Variants in SMTN observed in about 807,000 individuals in gnomAD.
SMTN encodes smoothelin.
SMTN carries 58 observed loss-of-function variants against 102.0 expected under a neutral mutation model. The observed-to-expected ratio is 0.57, with a 90% confidence interval of 0.46 to 0.71. The LOEUF (loss-of-function observed/expected upper bound fraction) is 0.71, where lower values mean the gene tolerates loss of function less well. Ranked by LOEUF, SMTN falls within the 30% of genes least tolerant of loss-of-function variation. The pLI, the probability that SMTN is intolerant of heterozygous loss-of-function variation, is 0.00. For missense variants in SMTN, 1,185 were observed against 1,241.7 expected, an observed-to-expected ratio of 0.95 and a Z score of 0.69; for synonymous variants, 478 against 497.9, an observed-to-expected ratio of 0.96 and a Z score of 0.53.
At chr22:31,074,137 C>T (rs1223138919) in intron 1 of SMTN, among the ~76,000 whole-genome samples, 1 of 152,026 alleles carries the variant, frequency 6.6e-6, no homozygotes, top group Non-Finnish European at 1.5e-5. Flanking sequence ...TGTGTAATTC[C>T]AGCACTTTGG....
upstream of SMTN, among the ~76,000 whole-genome samples, chr22:31,077,812 G>A (rs925296357): frequency 7.2e-5 from 11 of 152,344 alleles, no homozygotes; most frequent in African/African-American, 2.6e-4. Flanking sequence ...AGAACACAGC[G>A]GCTGGATGAC....
In SMTN at chr22:31,104,438, A is replaced by G; in HGVS notation, c.*143A>G. 1 of 1,614,044 alleles carries G rather than the reference A, an allele frequency of 6.2e-7. No homozygotes were observed. Among genetic ancestry groups the G allele is most frequent in the Admixed American group, 1.7e-5 (1 of 60,030 alleles). ...CTCTACAACCACCTGCGACGCCACG[A>G]ACTGCGCCTGCGCGGCAAGAATGTC... On this transcript the variant is annotated 3_prime_UTR_variant, in exon 21 of 21. Coordinates refer to ENST00000333137, the MANE Select transcript of SMTN (RefSeq NM_134269.3).
intron 1 of SMTN, among the ~76,000 whole-genome samples, chr22:31,069,314 C>T (rs547465461): frequency 6.6e-6 from 1 of 152,194 alleles, no homozygotes; most frequent in East Asian, 1.9e-4. Flanking sequence ...TTCAGGCGCC[C>T]CGCTGGGGAC....
At position 31,083,248 on chromosome 22, in the gene SMTN, G is replaced by C; in HGVS notation, c.-11G>C. The C allele has an allele frequency of 1.3e-6, 2 of 1,598,442 alleles. No homozygotes were observed. The highest frequency in any genetic ancestry group is 1.3e-5 in the African/African-American group (1 of 74,976). The stretch of plus-strand genomic sequence containing the variant: ...ACCAGAAAGGAACCGACGGAGCTAG[G>C]GGCCAGCGAGATGGCGGACGAGGCC... On this transcript the variant is annotated 5_prime_UTR_variant, in exon 2 of 21. Transcript: ENST00000333137.
chr22:31,090,758 T>C, intron 8 of SMTN, 50 bp from the exon 9 acceptor site: 2 of 1,410,130 alleles, frequency 1.4e-6, no homozygotes, highest in Non-Finnish European at 2.0e-6. Context: ...CACTATCCCC[T>C]GTCTTTTCTC....
At position 31,096,746 on chromosome 22, in the gene SMTN, G is replaced by A; in HGVS notation, c.1875G>A (p.Lys625=). ...LRQRKRDQRD[K]ERERRLQEAR... is the part of the protein sequence containing the mutation. Reference sequence around the variant, plus strand: ...TCCCCTGCCCAGACCAGCGGGACAAGGAGCGGGAACGGCGGCTGCAGGAGG... The same window carrying A: ...TCCCCTGCCCAGACCAGCGGGACAAAGAGCGGGAACGGCGGCTGCAGGAGG... The change falls in exon 14 of 21, where the codon AAG becomes AAA. Residue 625 remains lysine (K), a synonymous_variant. Coordinates refer to ENST00000333137, the MANE Select transcript of SMTN (RefSeq NM_134269.3). 1 of 1,550,958 alleles carries A rather than the reference G, an allele frequency of 6.4e-7. No individual in the cohort carries two copies. Among genetic ancestry groups the A allele is most frequent in the Non-Finnish European group, 8.7e-7 (1 of 1,153,314 alleles).
intron 20 of SMTN, chr22:31,104,005 A>G: frequency 2.6e-6 from 1 of 390,426 alleles, no homozygotes; most frequent in Non-Finnish European, 4.7e-6. Flanking sequence ...CAGGGAGAAC[A>G]TGGGCAGGGT....
In SMTN at chr22:31,096,898, G is replaced by A. The variant is rs111594703; in HGVS notation, c.2026+1G>A. 1.3e-6 allele frequency: 2 copies of A among 1,599,484 alleles called. No homozygotes were observed. Among genetic ancestry groups the A allele is most frequent in the Non-Finnish European group, 1.7e-6 (2 of 1,171,518 alleles). ...AAGACTGAGCGGCTCGTCCACTCCA[G>A]TAAGGGGCCAAATGGGGCCGGCCCA... On this transcript the variant is annotated splice_donor_variant, in intron 14 of 20. Coordinates refer to ENST00000333137, the MANE Select transcript of SMTN (RefSeq NM_134269.3). LOFTEE classifies it high-confidence loss of function.
chr22:31,087,943 C>A, intron 2 of SMTN, 22 bp from the exon 3 acceptor site: 1 of 1,558,302 alleles, frequency 6.4e-7, no homozygotes, highest in Non-Finnish European at 8.7e-7. Flanking sequence ...CCAAAATGAC[C>A]TGCCTCTCGC....
chr22:31,080,428 T>C (rs1256498958), upstream of SMTN: 1 of 152,160 alleles, frequency 6.6e-6, no homozygotes, highest in Non-Finnish European at 1.5e-5. Context: ...ATAAATGATT[T>C]GTTATTGTTT....
chr22:31,104,366 T>C lies in SMTN; in HGVS notation c.*71T>C, dbSNP rs2044331298. On this transcript the variant is annotated 3_prime_UTR_variant, in exon 21 of 21. Coordinates refer to ENST00000333137, the MANE Select transcript of SMTN (RefSeq NM_134269.3). ...GTGGAGGTGGACGACATGATGATCA[T>C]GGGCAAGAAGCCTGACCCCAAGTGT... 1 of 1,614,148 alleles carries C rather than the reference T, an allele frequency of 6.2e-7. No individual in the cohort carries two copies.
At chr22:31,065,613 G>A (rs2041828178) in intron 1 of SMTN, 1 of 151,604 alleles carries the variant, frequency 6.6e-6, no homozygotes, top group African/African-American at 2.4e-5. Context: ...GCCTCCCAAA[G>A]TGTTGGGATT....
chr22:31,094,341 A>G (rs2043392884), intron 11 of SMTN, among the ~76,000 whole-genome samples: 1 of 151,986 alleles, frequency 6.6e-6, no homozygotes, highest in African/African-American at 2.4e-5. Flanking sequence ...TACAGAGGAG[A>G]GCTTCATAGA....
chr22:31,098,891 TG>T (rs781642256), intron 17 of SMTN, 51 bp downstream of exon 17: 57 of 930,102 alleles, frequency 6.1e-5, no homozygotes, highest in East Asian at 3.6e-4. Flanking sequence ...TGATAGGCAG[TG>T]GGGGGCGGGG....
In SMTN at chr22:31,099,295, G is replaced by A. The variant is rs2043886958; in HGVS notation, c.2451+116G>A. ...TTCCTGCCACTGTGTGGCCTCACAG[G>A]GAACATGGAAAGGCTCTTGGGGTGA... is the stretch of plus-strand genomic sequence containing the variant. On this transcript the variant is annotated intron_variant, in intron 18 of 20. Transcript: ENST00000333137. The A allele has an allele frequency of 4.3e-6, 3 of 691,332 alleles. No homozygotes were observed. The Admixed American group carries it at 8.2e-5, about 19-fold the overall frequency. The allele number at this position is 691,332 out of a possible 1,614,324, so 42.8% of individuals were successfully genotyped here. A position where few individuals can be genotyped will look rare whatever the true frequency, so the allele number is the denominator to read the frequency against.
chr22:31,090,760 T>G, intron 8 of SMTN, 48 bp from the exon 9 acceptor site: 1 of 1,433,216 alleles, frequency 7.0e-7, no homozygotes, highest in Admixed American at 1.7e-5. Flanking sequence ...CTATCCCCTG[T>G]CTTTTCTCTT....
upstream of SMTN, among the ~76,000 whole-genome samples, chr22:31,081,153 T>G (rs1056011470): frequency 2.0e-5 from 3 of 147,686 alleles, no homozygotes; most frequent in African/African-American, 7.6e-5. Context: ...ATTTCCGACC[T>G]CCCTGGCCCG....
Position 31,091,720 on chromosome 22 carries a change from G to A in SMTN, c.1505G>A (p.Ser502Asn), listed in dbSNP as rs146723215. The change falls in exon 11 of 21, where the codon AGT (serine) becomes AAT (asparagine). Residue 502 changes from serine to asparagine, a missense_variant. Coordinates refer to ENST00000333137, the MANE Select transcript of SMTN (RefSeq NM_134269.3). ...GCGCCCCCGACCCTACTCAGCACCAGTAGTGGGGGCAAGAGCACCATCACC... is the reference window on the plus strand; with the variant it reads ...GCGCCCCCGACCCTACTCAGCACCAATAGTGGGGGCAAGAGCACCATCACC... ...LRAPPTLLST[S>N]SGGKSTITRV... 88 of 1,612,596 alleles carry A rather than the reference G, an allele frequency of 5.5e-5. No homozygotes were observed. The African/African-American group carries it at 8.4e-4, about 15-fold the overall frequency.
Position 31,091,493 on chromosome 22 carries a change from C to T in SMTN, c.1459+11C>T, listed in dbSNP as rs1401295823. ...GCAACCAGAGGGCAGGTAGGCGCCC[C>T]CCACTGCCTCCCCAATGGGGATGAG... On this transcript the variant is annotated intron_variant, in intron 10 of 20. Coordinates refer to ENST00000333137, the MANE Select transcript of SMTN (RefSeq NM_134269.3). 1.3e-6 allele frequency: 2 copies of T among 1,518,004 alleles called. No homozygotes were observed. Among genetic ancestry groups the T allele is most frequent in the Non-Finnish European group, 1.8e-6 (2 of 1,136,738 alleles). The allele number at this position is 1,518,004 out of a possible 1,614,324, so 94.0% of individuals were successfully genotyped here.
Sources: allele counts gnomAD v4.1 joint callset (sites outside exome capture counted in the v4.1 genomes callset), GRCh38; gene constraint gnomAD v4.1.1; transcripts MANE v1.5; gene names NCBI Gene and HGNC (gene_info 2026-07-23, HGNC 2026-07-21).